Variants in DOCK5 observed in about 807,000 individuals in gnomAD.
DOCK5 encodes the protein dedicator of cytokinesis protein 5.
A neutral mutation model predicts 251.8 loss-of-function variants in DOCK5; 142 were observed. That is an observed-to-expected ratio of 0.56 (90% CI 0.49 to 0.65). DOCK5 has a LOEUF of 0.65. Ranked by LOEUF, DOCK5 falls within the 30% of genes least tolerant of loss-of-function variation. The pLI, the probability that DOCK5 is intolerant of heterozygous loss-of-function variation, is 0.00. For missense variants in DOCK5, 2,111 were observed against 2,312.3 expected, an observed-to-expected ratio of 0.91 and a Z score of 1.79; for synonymous variants, 842 against 835.5, an observed-to-expected ratio of 1.01 and a Z score of -0.13.
rs541022243 is a variant in DOCK5, at chr8:25,317,745, G to C, written c.1443+614G>C. 1.1e-4 allele frequency among the ~76,000 whole-genome samples: 16 copies of C among 152,254 alleles called. No homozygotes were observed. In the South Asian group the frequency reaches 1.9e-3, roughly 18 times the overall value. Reference sequence around the variant, plus strand: ...CCAGCCTTAGCCTCCCAAGTAGCTGGGACTACAAGCGCCCACCACCACGCC... The same window carrying C: ...CCAGCCTTAGCCTCCCAAGTAGCTGCGACTACAAGCGCCCACCACCACGCC... On this transcript the variant is annotated intron_variant, in intron 14 of 51. Transcript: ENST00000276440.
chr8:25,296,991 G>T (rs1234895745), intron 7 of DOCK5, among the ~76,000 whole-genome samples: 1 of 152,134 alleles, frequency 6.6e-6, no homozygotes, highest in African/African-American at 2.4e-5. Flanking sequence ...GGATGCATCT[G>T]GGAAGGAAAA....
At chr8:25,242,418 A>G (rs1031008662) in intron 1 of DOCK5, among the ~76,000 whole-genome samples, 11 of 152,298 alleles carry the variant, frequency 7.2e-5, no homozygotes, top group Middle Eastern at 3.4e-3. Context: ...GGGCTGTATC[A>G]TGTTACATTC....
At chr8:25,218,198 G>T (rs1166875045) in intron 1 of DOCK5, among the ~76,000 whole-genome samples, 3 of 152,116 alleles carry the variant, frequency 2.0e-5, no homozygotes, top group Non-Finnish European at 4.4e-5. Flanking sequence ...TTCTATGAAA[G>T]TTAAACTTTT....
intron 40 of DOCK5, among the ~76,000 whole-genome samples, chr8:25,383,839 A>G (rs943653842): frequency 1.2e-4 from 18 of 152,206 alleles, no homozygotes; most frequent in African/African-American, 4.1e-4. Context: ...TAGGTGACAG[A>G]GCGAGACTCC....
chr8:25,237,862 C>A (rs962190259), intron 1 of DOCK5, among the ~76,000 whole-genome samples: 3 of 152,172 alleles, frequency 2.0e-5, no homozygotes, highest in Admixed American at 6.5e-5. Context: ...TAAAGGCAAT[C>A]CTGTTTTACA....
intron 36 of DOCK5, among the ~76,000 whole-genome samples, chr8:25,373,949 C>G (rs1800918937): frequency 6.6e-6 from 1 of 152,104 alleles, no homozygotes; most frequent in African/African-American, 2.4e-5. Context: ...GAAAACCCAC[C>G]CAAGAGTCTT....
chr8:25,372,485 T>C lies in DOCK5; in HGVS notation c.3525-74T>C, dbSNP rs528643053. The C allele has an allele frequency of 1.3e-5, 19 of 1,433,230 alleles. No individual in the cohort carries two copies. The South Asian group carries it at 2.7e-4, about 20-fold the overall frequency. The allele number at this position is 1,433,230 out of a possible 1,614,324, so 88.8% of individuals were successfully genotyped here. On this transcript the variant is annotated intron_variant, in intron 34 of 51. Coordinates refer to ENST00000276440, the MANE Select transcript of DOCK5 (RefSeq NM_024940.8). ...CCTGCCCCAGCCACTGCTGAGACCC[T>C]GGTCAGTGCTGGTCAGTGCTGCTGG...
chr8:25,321,566 G>C (rs1805426076), intron 16 of DOCK5, among the ~76,000 whole-genome samples: 1 of 152,142 alleles, frequency 6.6e-6, no homozygotes, highest in South Asian at 2.1e-4. Context: ...TAGATCCCTT[G>C]CATGCACAGG....
At chr8:25,213,453 G>A (rs1023420282) in intron 1 of DOCK5, among the ~76,000 whole-genome samples, 3 of 151,312 alleles carry the variant, frequency 2.0e-5, no homozygotes, top group African/African-American at 7.3e-5. Context: ...CTTTGTGTGC[G>A]TCTGGTAGTG....
intron 1 of DOCK5, among the ~76,000 whole-genome samples, chr8:25,210,016 A>ATATATG (rs1288112925): frequency 7.8e-5 from 2 of 25,560 alleles, no homozygotes; most frequent in African/African-American, 1.9e-4. Context: ...AATTATATAT[A>ATATATG]TATATATATA....
At chr8:25,320,281 G>GA (rs1178423685) in intron 15 of DOCK5, among the ~76,000 whole-genome samples, 5 of 151,678 alleles carry the variant, frequency 3.3e-5, no homozygotes, top group Middle Eastern at 3.4e-3. Context: ...GTTCTTCATA[G>GA]AAAAAAAAAT....
intron 6 of DOCK5, among the ~76,000 whole-genome samples, chr8:25,293,356 G>A (rs1019864744): frequency 6.6e-5 from 10 of 152,108 alleles, no homozygotes; most frequent in African/African-American, 2.2e-4. Flanking sequence ...TGAAGTAGCC[G>A]AAGTGAACAT....
chr8:25,331,808 AG>A (rs1353418343), intron 18 of DOCK5, among the ~76,000 whole-genome samples: 1 of 8,664 alleles, frequency 1.2e-4, no homozygotes, highest in Non-Finnish European at 1.0e-3. Context: ...ATATAGAGAG[AG>A]AGAGAGAGAG....
Position 25,220,614 on chromosome 8 carries a change from TTTTG to T in DOCK5, c.44-23047_44-23044del, listed in dbSNP as rs1257846450. 4.6e-5 allele frequency among the ~76,000 whole-genome samples: 7 copies of T among 152,012 alleles called. No individual in the cohort carries two copies. In the East Asian group the frequency reaches 5.8e-4, roughly 13 times the overall value. On this transcript the variant is annotated intron_variant, in intron 1 of 51. Transcript: ENST00000276440. ...CCGGAACATCTCTCATTCAGTTTTGTTTTGTTTGTTTGTTTGAGACAGAGCCTTG... is the reference window on the plus strand; with the variant it reads ...CCGGAACATCTCTCATTCAGTTTTGTTTTGTTTGTTTGAGACAGAGCCTTG...
intron 1 of DOCK5, among the ~76,000 whole-genome samples, chr8:25,202,219 T>C (rs1428855929): frequency 2.0e-5 from 3 of 152,128 alleles, no homozygotes; most frequent in African/African-American, 7.2e-5. Context: ...GGTTTTGCCA[T>C]GTTGGCCAGG....
At chr8:25,270,764 A>G in intron 3 of DOCK5, 2 of 708,482 alleles carry the variant, frequency 2.8e-6, no homozygotes, top group South Asian at 1.5e-5. Flanking sequence ...TGATTTTTTA[A>G]TATAGTCATT....
chr8:25,261,181 G>A (rs1803570123), intron 2 of DOCK5, among the ~76,000 whole-genome samples: 1 of 151,942 alleles, frequency 6.6e-6, no homozygotes, highest in Non-Finnish European at 1.5e-5. Flanking sequence ...CCTATATGAA[G>A]TTACTTTTCT....
At chr8:25,250,754 A>C (rs1301180399) in intron 2 of DOCK5, among the ~76,000 whole-genome samples, 1 of 152,170 alleles carries the variant, frequency 6.6e-6, no homozygotes, top group Non-Finnish European at 1.5e-5. Flanking sequence ...AACAATTCAG[A>C]TATGTGCTTA....
intron 42 of DOCK5, 122 bp from the exon 43 acceptor site, chr8:25,391,774 T>G (rs1801263410): frequency 5.8e-6 from 4 of 692,386 alleles, no homozygotes; most frequent in African/African-American, 3.7e-5. Flanking sequence ...CACTATTGAT[T>G]ATGAGATAGC....
Sources: gnomAD v4.1 joint callset for allele counts (sites outside exome capture counted in the v4.1 genomes callset) on GRCh38, gnomAD v4.1.1 for gene constraint, MANE v1.5 for transcripts, NCBI Gene and HGNC (gene_info 2026-07-23, HGNC 2026-07-21) for gene names.